Variants in LAMA2 observed in about 807,000 individuals in gnomAD.
The protein encoded by LAMA2 is laminin subunit alpha 2.
LAMA2 carries 269 observed loss-of-function variants against 364.8 expected under a neutral mutation model. That is an observed-to-expected ratio of 0.74 (90% CI 0.67 to 0.82). LAMA2 has a LOEUF of 0.82. Among genes scored for constraint, LAMA2 ranks in the 40% least tolerant of loss-of-function variants. The pLI, the probability that LAMA2 is intolerant of heterozygous loss-of-function variation, is 0.00. For missense variants in LAMA2, 3,807 were observed against 3,873.2 expected (o/e 0.98, Z 0.45); for synonymous variants, 1,379 against 1,370.6 (o/e 1.01, Z -0.14).
intron 56 of LAMA2, chr6:129,491,080 G>GT (rs1319238927): frequency 6.6e-6 from 1 of 152,198 alleles, no homozygotes; most frequent in Admixed American, 6.5e-5. Flanking sequence ...CAGATATGAA[G>GT]TAAGTTTTCA....
In LAMA2 at chr6:129,113,494, G is replaced by A. The variant is rs115501217; in HGVS notation, c.639+15079G>A. 6.1e-3 allele frequency among the ~76,000 whole-genome samples: 928 copies of A among 152,108 alleles called. 8 individuals carry two copies. Among genetic ancestry groups the A allele is most frequent in the African/African-American group, 0.021 (889 of 41,538 alleles). Reference sequence around the variant, plus strand: ...AGAAACGCCAAAAGTCAAGTAACTGGTTTTGTCTCCAGCACTTACAGTTTG... The same window carrying A: ...AGAAACGCCAAAAGTCAAGTAACTGATTTTGTCTCCAGCACTTACAGTTTG... On this transcript the variant is annotated intron_variant, in intron 4 of 64. Transcript: ENST00000421865.
At chr6:129,233,497 AAAG>A (rs574711844) in intron 12 of LAMA2, among the ~76,000 whole-genome samples, 34 of 152,154 alleles carry the variant, frequency 2.2e-4, no homozygotes, top group Non-Finnish European at 4.4e-4. Context: ...GTTAGAGAGA[AAAG>A]AAAATACTAA....
chr6:129,021,955 G>A (rs1785477403), intron 1 of LAMA2, among the ~76,000 whole-genome samples: 1 of 152,326 alleles, frequency 6.6e-6, no homozygotes, highest in African/African-American at 2.4e-5. Context: ...ACAAGGCATG[G>A]CAGGCAGCTT....
At chr6:129,145,700 T>C (rs890796567) in intron 5 of LAMA2, among the ~76,000 whole-genome samples, 1 of 151,976 alleles carries the variant, frequency 6.6e-6, no homozygotes, top group Non-Finnish European at 1.5e-5. Context: ...TAATGCAGTA[T>C]AAGTCAACAT....
In LAMA2 at chr6:129,412,618, A is replaced by G. The variant is rs187064652; in HGVS notation, c.5865+8659A>G. Among the ~76,000 whole-genome samples, 5 of 152,348 alleles carry G rather than the reference A, an allele frequency of 3.3e-5. No homozygotes were observed. The East Asian group carries it at 9.6e-4, about 29-fold the overall frequency. On this transcript the variant is annotated intron_variant, in intron 40 of 64. Transcript: ENST00000421865. ...AAATATAATGGAATTAAATCCATAT[A>G]CAACAATCAGGGTAATTATCACCAG...
At chr6:129,493,853 T>C (rs10499160) in intron 58 of LAMA2, among the ~76,000 whole-genome samples, 22,342 of 152,172 alleles carry the variant, frequency 0.15, 1,896 homozygotes, top group Non-Finnish European at 0.19. Flanking sequence ...TCCTTATCTC[T>C]GGAACACTCT....
rs192618167 is a variant in LAMA2 at position 129,205,701 on chromosome 6, T to C, written c.1782+12848T>C. ...GAAGGAAGATTTTTGTATAATAATA[T>C]GGAATGATCCAAGGTGTATTTTAAA... On this transcript the variant is annotated intron_variant, in intron 12 of 64. Transcript: ENST00000421865. Among the ~76,000 whole-genome samples, 79 of 152,036 alleles carry C rather than the reference T, an allele frequency of 5.2e-4. 1 individual carries two copies. The East Asian group carries it at 0.015, about 30-fold the overall frequency.
chr6:128,990,579 C>G (rs1204605589), intron 1 of LAMA2, among the ~76,000 whole-genome samples: 1 of 152,118 alleles, frequency 6.6e-6, no homozygotes, highest in Non-Finnish European at 1.5e-5. Context: ...AAGAAGTGGA[C>G]TTTGTAGTTA....
chr6:128,924,194 T>C (rs959390356), intron 1 of LAMA2, among the ~76,000 whole-genome samples: 2 of 152,088 alleles, frequency 1.3e-5, no homozygotes, highest in African/African-American at 4.8e-5. Context: ...TTTTACAAGC[T>C]TCTTTTCATA....
intron 34 of LAMA2, among the ~76,000 whole-genome samples, chr6:129,378,862 A>C (rs1252149941): frequency 1.3e-5 from 2 of 152,204 alleles, no homozygotes; most frequent in African/African-American, 4.8e-5. Context: ...ATTCAGGAAG[A>C]GTAAGTGAGA....
chr6:129,115,864 A>G lies in LAMA2; in HGVS notation c.639+17449A>G, dbSNP rs73596794. ...TTAAATGAGATAATTTACATAACAC[A>G]TCCGACTAAGGTGCAGATGTAATAA... is the stretch of plus-strand genomic sequence containing the variant. On this transcript the variant is annotated intron_variant, in intron 4 of 64. Transcript: ENST00000421865. Among the ~76,000 whole-genome samples the G allele has an allele frequency of 7.3e-3, 1,118 of 152,300 alleles. 15 individuals are homozygous for G. The highest frequency in any genetic ancestry group is 0.026 in the African/African-American group (1,083 of 41,578).
intron 13 of LAMA2, among the ~76,000 whole-genome samples, chr6:129,251,072 CTCTCTA>C (rs1420378436): frequency 3.8e-3 from 250 of 65,014 alleles, no homozygotes; most frequent in East Asian, 6.0e-3. Context: ...CTCTCTCTCT[CTCTCTA>C]TATATATATA....
In LAMA2 at chr6:129,425,664, T is replaced by G. The variant is rs556212043; in HGVS notation, c.5866-2088T>G. 1.2e-3 allele frequency among the ~76,000 whole-genome samples: 186 copies of G among 152,250 alleles called. 3 individuals carry two copies. The highest frequency in any genetic ancestry group is 4.3e-3 in the African/African-American group (179 of 41,530). ...ATGTTCTCATCATTTAGCTCCCACTTATAAATGAGAACATGCTGTATTTGA... is the reference window on the plus strand; with the variant it reads ...ATGTTCTCATCATTTAGCTCCCACTGATAAATGAGAACATGCTGTATTTGA... On this transcript the variant is annotated intron_variant, in intron 40 of 64. Transcript: ENST00000421865.
intron 8 of LAMA2, among the ~76,000 whole-genome samples, chr6:129,162,401 A>G (rs923092478): frequency 2.0e-5 from 3 of 152,096 alleles, no homozygotes; most frequent in Non-Finnish European, 4.4e-5. Context: ...CCCATTTTCC[A>G]TACTCTGTGG....
At chr6:129,487,770 G>T (rs1011411296) in intron 56 of LAMA2, among the ~76,000 whole-genome samples, 2 of 152,084 alleles carry the variant, frequency 1.3e-5, no homozygotes, top group Non-Finnish European at 2.9e-5. Context: ...ATGCAGAATG[G>T]CTACTGAGAC....
intron 46 of LAMA2, 149 bp from the exon 47 acceptor site, chr6:129,454,006 T>A: frequency 3.0e-6 from 1 of 332,608 alleles, no homozygotes; most frequent in Non-Finnish European, 5.5e-6. Flanking sequence ...TGTATAATAA[T>A]AAATAATATT....
At chr6:129,360,128 G>A (rs2114607565) in intron 32 of LAMA2, among the ~76,000 whole-genome samples, 1 of 152,182 alleles carries the variant, frequency 6.6e-6, no homozygotes, top group South Asian at 2.1e-4. Context: ...AACCTTATTA[G>A]TATTGCTGAA....
At chr6:129,341,166 G>A (rs543578909) in intron 29 of LAMA2, among the ~76,000 whole-genome samples, 4 of 152,160 alleles carry the variant, frequency 2.6e-5, no homozygotes, top group Non-Finnish European at 5.9e-5. Context: ...ACAATTGTCT[G>A]GCCATTAGAA....
chr6:129,276,810 T>G (rs1313317534), intron 17 of LAMA2, among the ~76,000 whole-genome samples: 6 of 152,136 alleles, frequency 3.9e-5, no homozygotes, highest in Non-Finnish European at 7.4e-5. Context: ...TCTTTAACCT[T>G]GCTTTATTCT....
Sources: gnomAD v4.1 joint callset for allele counts (sites outside exome capture counted in the v4.1 genomes callset) on GRCh38, gnomAD v4.1.1 for gene constraint, MANE v1.5 for transcripts, NCBI Gene and HGNC (gene_info 2026-07-23, HGNC 2026-07-21) for gene names.